The following PPP1R16B variants were observed in gnomAD, a reference collection of about 807,000 sequenced individuals.
PPP1R16B encodes protein phosphatase 1 regulatory inhibitor subunit 16B.
In PPP1R16B, 14 loss-of-function variants were observed where a neutral mutation model predicts 61.7. The ratio of observed to expected loss-of-function variants is 0.23; its 90% CI spans 0.15 to 0.35. The LOEUF (loss-of-function observed/expected upper bound fraction) is 0.35. Among genes scored for constraint, PPP1R16B ranks in the 10% least tolerant of loss-of-function variants. PPP1R16B has a pLI of 1.00. For missense variants in PPP1R16B, 547 were observed against 752.5 expected (o/e 0.73, Z 3.19); for synonymous variants, 266 against 305.3 (o/e 0.87, Z 1.34).
intron 2 of PPP1R16B, among the ~76,000 whole-genome samples, chr20:38,845,861 A>G (rs1461099642): frequency 1.3e-5 from 2 of 152,234 alleles, no homozygotes; most frequent in South Asian, 2.1e-4. Context: ...TGCAGAATTG[A>G]CTGTAGCAAT....
chr20:38,871,300 C>A (rs1601277537), intron 2 of PPP1R16B, among the ~76,000 whole-genome samples: 1 of 152,122 alleles, frequency 6.6e-6, no homozygotes, highest in South Asian at 2.1e-4. Flanking sequence ...TGGAATTTGG[C>A]TCCTTTTGAA....
chr20:38,884,296 T>A (rs2085226572), intron 2 of PPP1R16B, among the ~76,000 whole-genome samples: 1 of 152,192 alleles, frequency 6.6e-6, no homozygotes, highest in Non-Finnish European at 1.5e-5. Context: ...CAAGGTACTG[T>A]TATGCAAGCG....
At chr20:38,904,841 G>A (rs2085426206) in intron 6 of PPP1R16B, among the ~76,000 whole-genome samples, 1 of 152,072 alleles carries the variant, frequency 6.6e-6, no homozygotes, top group African/African-American at 2.4e-5. Flanking sequence ...TAGCCGCCTT[G>A]GACTCTCACT....
Position 38,907,143 on chromosome 20 carries a change from T to C in PPP1R16B, c.898+89T>C. ...GGAGAAATAGATAAATATATGGTTG[T>C]ATAGATTGATGGATTGGTGTCTAGA... On this transcript the variant is annotated intron_variant, in intron 8 of 10. Coordinates refer to ENST00000299824, the MANE Select transcript of PPP1R16B (RefSeq NM_015568.4). This position sits in a 1 kb window ranked among gnomAD's most constrained non-coding sequence, Gnocchi z 4.5. 1 of 1,054,742 alleles carries C rather than the reference T, an allele frequency of 9.5e-7. No homozygotes were observed. Among genetic ancestry groups the C allele is most frequent in the Non-Finnish European group, 1.5e-6 (1 of 682,462 alleles). 65.3% of individuals were successfully genotyped at this position (1,054,742 alleles called of 1,614,324 possible).
chr20:38,815,149 TCTC>T (rs2084727301), intron 1 of PPP1R16B, among the ~76,000 whole-genome samples: 1 of 152,226 alleles, frequency 6.6e-6, no homozygotes. Flanking sequence ...TTCCCCATCT[TCTC>T]AGCCACTCAT....
At chr20:38,874,655 T>C (rs1316474561) in intron 2 of PPP1R16B, among the ~76,000 whole-genome samples, 1 of 152,200 alleles carries the variant, frequency 6.6e-6, no homozygotes, top group East Asian at 1.9e-4. Flanking sequence ...TCCCTTGGGC[T>C]CAGAGCCTGG....
intron 2 of PPP1R16B, among the ~76,000 whole-genome samples, chr20:38,853,969 TC>T (rs2084985850): frequency 6.6e-6 from 1 of 152,174 alleles, no homozygotes; most frequent in South Asian, 2.1e-4. Flanking sequence ...GTGGCCAAGC[TC>T]AGAGTCAGTG....
chr20:38,909,282 G>A (rs374683508), intron 10 of PPP1R16B, among the ~76,000 whole-genome samples: 5 of 152,166 alleles, frequency 3.3e-5, no homozygotes, highest in African/African-American at 4.8e-5. Flanking sequence ...TTACAGGTTC[G>A]AGCCACTGTA....
intron 1 of PPP1R16B, among the ~76,000 whole-genome samples, chr20:38,835,346 C>T (rs8122458): frequency 0.049 from 7,434 of 152,266 alleles, 188 homozygotes; most frequent in Non-Finnish European, 0.06. Context: ...ACCCTCCCTG[C>T]ACCCCTTCTG....
intron 7 of PPP1R16B, 93 bp from the exon 8 acceptor site, chr20:38,906,886 G>C: frequency 9.6e-7 from 1 of 1,038,948 alleles, no homozygotes; most frequent in Non-Finnish European, 1.5e-6. Flanking sequence ...CATTCTTTGG[G>C]TCACATCCTA....
chr20:38,919,550 T>G lies in PPP1R16B; in HGVS notation c.*884T>G, dbSNP rs1167293264. The G allele has an allele frequency of 6.6e-6, 1 of 152,170 alleles. No homozygotes were observed. The highest frequency in any genetic ancestry group is 1.9e-4 in the East Asian group (1 of 5,202). 9.4% of individuals were successfully genotyped at this position (152,170 alleles called of 1,614,324 possible). A position where few individuals can be genotyped will look rare whatever the true frequency, so the allele number is the denominator to read the frequency against. ...TAAAAATTCCTTTAGTCTGTAAAAC[T>G]CCTAGAGGGAGGGAGGTAACTGAAT... On this transcript the variant is annotated 3_prime_UTR_variant, in exon 11 of 11. Transcript: ENST00000299824.
At chr20:38,868,382 G>A (rs1224639687) in intron 2 of PPP1R16B, among the ~76,000 whole-genome samples, 4 of 151,950 alleles carry the variant, frequency 2.6e-5, no homozygotes, top group African/African-American at 9.6e-5. Context: ...TTACCCAAAT[G>A]GTAAGTTTTT....
At chr20:38,808,859 C>G (rs2084679828) in intron 1 of PPP1R16B, among the ~76,000 whole-genome samples, 1 of 151,966 alleles carries the variant, frequency 6.6e-6, no homozygotes, top group Non-Finnish European at 1.5e-5. Context: ...ATGGTGAAAC[C>G]CCATCTCTAC....
intron 4 of PPP1R16B, 79 bp downstream of exon 4, chr20:38,895,789 C>CCTCCTTTCTTCTTTCTTCCCTCCCTT (rs2085330681): frequency 2.4e-6 from 2 of 838,760 alleles, no homozygotes; most frequent in African/African-American, 5.5e-5. Context: ...TCTCCTCCCT[C>CCTCCTTTCTTCTTTCTTCCCTCCCTT]CCTCCTTCCT....
chr20:38,911,018 C>A (rs1297729913), intron 10 of PPP1R16B, among the ~76,000 whole-genome samples: 1 of 151,704 alleles, frequency 6.6e-6, no homozygotes, highest in African/African-American at 2.4e-5. Context: ...CAAAACAAAA[C>A]AAAATTTTTT....
chr20:38,852,009 G>T (rs1351526411), intron 2 of PPP1R16B, among the ~76,000 whole-genome samples: 1 of 152,232 alleles, frequency 6.6e-6, no homozygotes, highest in Non-Finnish European at 1.5e-5. Flanking sequence ...CTCCAGCCTG[G>T]GTGACAGAGC....
At chr20:38,869,161 T>TA (rs574323080) in intron 2 of PPP1R16B, among the ~76,000 whole-genome samples, 194 of 151,828 alleles carry the variant, frequency 1.3e-3, no homozygotes, top group African/African-American at 2.6e-3. Flanking sequence ...TTTTATTTTT[T>TA]TTTATTTATT....
intron 2 of PPP1R16B, chr20:38,872,892 G>A (rs1426659109): frequency 2.6e-5 from 4 of 152,418 alleles, no homozygotes; most frequent in Non-Finnish European, 5.9e-5. Context: ...ACTAAGTTTG[G>A]CATTAATATG....
intron 10 of PPP1R16B, among the ~76,000 whole-genome samples, chr20:38,914,318 C>T (rs1013937065): frequency 3.9e-5 from 6 of 152,104 alleles, no homozygotes; most frequent in South Asian, 4.1e-4. Flanking sequence ...GTCGTCTGAG[C>T]GTTCTGGAAA....
Sources: allele counts gnomAD v4.1 joint callset (sites outside exome capture counted in the v4.1 genomes callset), GRCh38; gene constraint gnomAD v4.1.1; non-coding constraint Gnocchi (gnomAD v3.1); transcripts MANE v1.5; gene names NCBI Gene and HGNC (gene_info 2026-07-23, HGNC 2026-07-21).